Variants in CACNA1B observed in about 807,000 individuals in gnomAD.
CACNA1B encodes the protein calcium voltage-gated channel subunit alpha1 B, also known as voltage-dependent N-type calcium channel subunit alpha-1B.
CACNA1B carries 70 observed loss-of-function variants against 247.2 expected under a neutral mutation model. That is an observed-to-expected ratio of 0.28 (90% confidence interval 0.23 to 0.35). The LOEUF is 0.35. Among genes scored for constraint, CACNA1B ranks in the 10% least tolerant of loss-of-function variants. CACNA1B has a pLI of 1.00. For synonymous variants in CACNA1B, 1,231 were observed against 1,294.4 expected, an observed-to-expected ratio of 0.95 and a Z score of 1.05; for missense variants, 2,367 against 3,197.4, an observed-to-expected ratio of 0.74 and a Z score of 6.26.
At position 137,945,326 on chromosome 9, in the gene CACNA1B, G is replaced by A. The variant is rs200582157; in HGVS notation, c.967-6948G>A. On this transcript the variant is annotated intron_variant, in intron 6 of 46. Coordinates refer to ENST00000371372, the MANE Select transcript of CACNA1B (RefSeq NM_000718.4). ...GAGAAGAGGACTTTCAAAAGTGGAG[G>A]TCCTACTAGGTGACCCAGATTTTAC... 2.0e-4 allele frequency among the ~76,000 whole-genome samples: 30 copies of A among 152,324 alleles called. 2 individuals carry two copies. In the East Asian group the frequency reaches 2.3e-3, roughly 12 times the overall value.
At chr9:138,064,052 C>T (rs1959828735) in intron 31 of CACNA1B, among the ~76,000 whole-genome samples, 1 of 152,190 alleles carries the variant, frequency 6.6e-6, no homozygotes, top group African/African-American at 2.4e-5. Context: ...GAGAGATGGG[C>T]CTGGGCCAGG....
In CACNA1B at chr9:137,913,179, G is replaced by A; in HGVS notation, c.531-1G>A. 1 of 1,613,600 alleles carries A rather than the reference G, an allele frequency of 6.2e-7. No homozygotes were observed. The highest frequency in any genetic ancestry group is 8.5e-7 in the Non-Finnish European group (1 of 1,179,596). ...TCCCTTCTTCTCCTTGTTTCTGCCA[G>A]GATCCTTGCCACGGCTGGAACTGAC... On this transcript the variant is annotated splice_acceptor_variant, in intron 3 of 46. Coordinates refer to ENST00000371372, the MANE Select transcript of CACNA1B (RefSeq NM_000718.4). LOFTEE classifies it high-confidence loss of function. The surrounding 1 kb of genome is among the most constrained non-coding windows in gnomAD (Gnocchi z 5.2).
chr9:138,031,603 T>G (rs958565009), intron 20 of CACNA1B, among the ~76,000 whole-genome samples: 1 of 152,218 alleles, frequency 6.6e-6, no homozygotes, highest in African/African-American at 2.4e-5. Context: ...AAAAGGATAT[T>G]CAGTCTCCAG....
intron 40 of CACNA1B, among the ~76,000 whole-genome samples, chr9:138,113,953 G>T (rs1025680743): frequency 6.8e-6 from 1 of 148,040 alleles, no homozygotes; most frequent in Admixed American, 6.7e-5. Flanking sequence ...AGGGAGCGCC[G>T]GGAGGTGCCC....
intron 3 of CACNA1B, among the ~76,000 whole-genome samples, chr9:137,894,302 ATTTTTT>A (rs56794355): frequency 5.3e-4 from 51 of 96,082 alleles, no homozygotes; most frequent in Admixed American, 1.4e-3. Context: ...TTGTCTCTGT[ATTTTTT>A]TTTTTTTTTT....
intron 3 of CACNA1B, among the ~76,000 whole-genome samples, chr9:137,883,664 G>A (rs1334047826): frequency 1.3e-5 from 2 of 151,944 alleles, no homozygotes; most frequent in East Asian, 2.0e-4. Context: ...GGTGTGGAGA[G>A]TGGTGGCTGG....
At position 138,058,749 on chromosome 9, in the gene CACNA1B, C is replaced by T. The variant is rs780302681; in HGVS notation, c.4473+16C>T. The T allele has an allele frequency of 5.0e-6, 8 of 1,589,442 alleles. No individual in the cohort carries two copies. The highest frequency in any genetic ancestry group is 1.7e-4 in the Middle Eastern group (1 of 6,024). ...GATGATGAAGGTGTGTGGGGCTCAG[C>T]GCAGAGGGGCAGCTGGCGCTGCTAG... On this transcript the variant is annotated intron_variant, in intron 29 of 46. Transcript: ENST00000371372. This position sits in a 1 kb window ranked among gnomAD's most constrained non-coding sequence, Gnocchi z 4.7.
chr9:137,922,025 GCA>G, intron 6 of CACNA1B, among the ~76,000 whole-genome samples: 3 of 147,676 alleles, frequency 2.0e-5, no homozygotes, highest in Admixed American at 6.7e-5. Context: ...GCAGAATAAA[GCA>G]TTCGGAGAAC....
At chr9:138,071,131 ACTC>A (rs142546541) in intron 32 of CACNA1B, among the ~76,000 whole-genome samples, 1,551 of 152,032 alleles carry the variant, frequency 0.01, 20 homozygotes, top group African/African-American at 0.036. Flanking sequence ...TTTCTCAAGT[ACTC>A]CTCACCTCCT....
At chr9:138,106,359 G>A (rs536999610) in intron 39 of CACNA1B, among the ~76,000 whole-genome samples, 42 of 151,646 alleles carry the variant, frequency 2.8e-4, no homozygotes, top group Admixed American at 2.6e-3. Flanking sequence ...CCTGCTTTGT[G>A]TGCCAAGCCT....
rs1175144801 is a variant in CACNA1B, at chr9:138,012,142, G to A, written c.2161-987G>A. ...CATGTGAAGTTCAGGGCCAGGCACT[G>A]CAAGTGGTCACCCAGGAGTGGGGGA... On this transcript the variant is annotated intron_variant, in intron 17 of 46. Transcript: ENST00000371372. The surrounding 1 kb of genome is among the most constrained non-coding windows in gnomAD (Gnocchi z 4.2). Among the ~76,000 whole-genome samples the A allele has an allele frequency of 6.6e-6, 1 of 152,254 alleles. No homozygotes were observed. The highest frequency in any genetic ancestry group is 2.4e-5 in the African/African-American group (1 of 41,476).
At chr9:138,023,875 G>T in intron 19 of CACNA1B, 64 bp downstream of exon 19, 1 of 813,524 alleles carries the variant, frequency 1.2e-6, no homozygotes, top group Non-Finnish European at 2.1e-6. Flanking sequence ...GGGCCCCAGC[G>T]GTGGCTGCGG....
At chr9:137,999,145 C>T (rs759313811) in intron 15 of CACNA1B, among the ~76,000 whole-genome samples, 3 of 151,968 alleles carry the variant, frequency 2.0e-5, no homozygotes, top group Admixed American at 6.6e-5. Flanking sequence ...GGCGAGACCC[C>T]GTATCTACTG....
intron 18 of CACNA1B, among the ~76,000 whole-genome samples, chr9:138,022,450 C>T (rs938818430): frequency 1.8e-4 from 28 of 152,292 alleles, no homozygotes; most frequent in African/African-American, 6.7e-4. Context: ...TCTGGGTTCC[C>T]TGGCAAACAG....
In CACNA1B at chr9:137,882,927, C is replaced by T. The variant is rs201157194; in HGVS notation, c.530+44C>T. On this transcript the variant is annotated intron_variant, in intron 3 of 46. Transcript: ENST00000371372. The surrounding 1 kb of genome is among the most constrained non-coding windows in gnomAD (Gnocchi z 4.0). Reference sequence around the variant, plus strand: ...GGAGGCCCAGCGTGTGAGGCCCGGGCGTGTGCTCTCTGAAGCTCAGTTGCG... The same window carrying T: ...GGAGGCCCAGCGTGTGAGGCCCGGGTGTGTGCTCTCTGAAGCTCAGTTGCG... 2.9e-4 allele frequency: 458 copies of T among 1,571,986 alleles called. No homozygotes were observed. Among genetic ancestry groups the T allele is most frequent in the Non-Finnish European group, 3.4e-4 (395 of 1,145,980 alleles).
intron 45 of CACNA1B, 45 bp from the exon 46 acceptor site, chr9:138,120,586 C>T: frequency 6.8e-7 from 1 of 1,466,190 alleles, no homozygotes; most frequent in Non-Finnish European, 9.0e-7. Flanking sequence ...TCAGGGGTCC[C>T]TGCCTTGGGC....
intron 6 of CACNA1B, among the ~76,000 whole-genome samples, chr9:137,932,827 C>T (rs902831343): frequency 2.6e-5 from 4 of 152,148 alleles, no homozygotes; most frequent in Admixed American, 6.5e-5. Flanking sequence ...CTAAATGATG[C>T]GGTTTGGGTA....
intron 7 of CACNA1B, among the ~76,000 whole-genome samples, chr9:137,953,707 G>T (rs2133339965): frequency 6.6e-6 from 1 of 152,284 alleles, no homozygotes; most frequent in African/African-American, 2.4e-5. Context: ...AAGGAGGAGG[G>T]TCTTTCAGGC....
At chr9:137,878,251 C>T in intron 1 of CACNA1B, 34 bp downstream of exon 1, 1 of 229,424 alleles carries the variant, frequency 4.4e-6, no homozygotes, top group Non-Finnish European at 7.0e-6. Flanking sequence ...CGGGGCCGGG[C>T]GGGGACCGGG....
Sources: allele counts gnomAD v4.1 joint callset (sites outside exome capture counted in the v4.1 genomes callset), GRCh38; gene constraint gnomAD v4.1.1; non-coding constraint Gnocchi (gnomAD v3.1); transcripts MANE v1.5; gene names NCBI Gene and HGNC (gene_info 2026-07-23, HGNC 2026-07-21).